Variants in WNK3 observed in about 807,000 individuals in gnomAD.
The protein encoded by WNK3 is serine/threonine-protein kinase WNK3.
Under a neutral mutation model 116.7 loss-of-function variants are expected in WNK3, and 18 were observed. The ratio of observed to expected loss-of-function variants is 0.15; its 90% confidence interval spans 0.11 to 0.23. WNK3 has a LOEUF of 0.23. WNK3 is among the 10% of genes least tolerant of loss of function. The pLI, the probability that WNK3 is intolerant of heterozygous loss-of-function variation, is 1.00. For missense variants in WNK3, 993 were observed against 1,323.8 expected, an observed-to-expected ratio of 0.75 and a Z score of 3.88; for synonymous variants, 404 against 469.4, an observed-to-expected ratio of 0.86 and a Z score of 1.80.
intron 10 of WNK3, among the ~76,000 whole-genome samples, chrX:54,291,778 T>C (rs2068642907): frequency 8.9e-6 from 1 of 112,098 alleles, no homozygotes; most frequent in South Asian, 3.7e-4. Flanking sequence ...TTATTTTATT[T>C]CATATCCCCA....
intron 1 of WNK3, among the ~76,000 whole-genome samples, chrX:54,357,454 T>C (rs782403489): frequency 7.1e-4 from 79 of 111,841 alleles, no homozygotes; most frequent in Non-Finnish European, 1.0e-3. Flanking sequence ...TATTCAGCAG[T>C]TTCGACAGCC....
At chrX:54,244,203 C>T (rs1218566107) in intron 17 of WNK3, among the ~76,000 whole-genome samples, 1 of 111,364 alleles carries the variant, frequency 9.0e-6, no homozygotes, top group Admixed American at 9.6e-5. Flanking sequence ...GTCACTGGAT[C>T]GAACACTGTA....
At chrX:54,209,689 TAC>T (rs781965811) in intron 22 of WNK3, among the ~76,000 whole-genome samples, 5 of 106,126 alleles carry the variant, frequency 4.7e-5, no homozygotes, top group Admixed American at 1.0e-4. Flanking sequence ...TAGGTGGGAT[TAC>T]AGGTGTCTGC....
At chrX:54,290,012 C>T (rs1557164690) in intron 10 of WNK3, among the ~76,000 whole-genome samples, 2 of 111,986 alleles carry the variant, frequency 1.8e-5, no homozygotes, top group Admixed American at 9.5e-5. Flanking sequence ...TGGTGGCTCA[C>T]GCCTGTAATC....
At chrX:54,303,953 C>T (rs1398616588) in intron 5 of WNK3, among the ~76,000 whole-genome samples, 1 of 111,130 alleles carries the variant, frequency 9.0e-6, no homozygotes, top group Non-Finnish European at 1.9e-5. Flanking sequence ...CTATTTATGG[C>T]CTTCCAAAAT....
At position 54,238,302 on chromosome X, in the gene WNK3, T is replaced by C. The variant is rs373872704; in HGVS notation, c.4014+40A>G. On this transcript the variant is annotated intron_variant, in intron 19 of 23. Coordinates refer to ENST00000354646, the Ensembl canonical transcript of WNK3. Reference sequence around the variant, plus strand: ...GATCTCCACTGGCTGTTATATTTTATAATGCCCTTGTAGATAAGGATTCAA... The same window carrying C: ...GATCTCCACTGGCTGTTATATTTTACAATGCCCTTGTAGATAAGGATTCAA... 4.2e-6 allele frequency: 5 copies of C among 1,179,656 alleles called. No homozygotes were observed. In the African/African-American group the frequency reaches 8.9e-5, roughly 21 times the overall value.
chrX:54,295,133 G>A (rs1190806973), intron 7 of WNK3, among the ~76,000 whole-genome samples: 3 of 108,460 alleles, frequency 2.8e-5, no homozygotes, highest in East Asian at 2.9e-4. Context: ...TCCTGACGTC[G>A]TGATCCACCG....
At chrX:54,286,218 T>TG (rs373524416) in intron 10 of WNK3, among the ~76,000 whole-genome samples, 2,262 of 103,034 alleles carry the variant, frequency 0.022, 52 homozygotes, top group African/African-American at 0.069. Flanking sequence ...AAAAAAAAGG[T>TG]GGGGGGGGAG....
At chrX:54,342,856 T>G (rs1401825609) in intron 1 of WNK3, among the ~76,000 whole-genome samples, 1 of 108,189 alleles carries the variant, frequency 9.2e-6, no homozygotes, top group East Asian at 3.0e-4. Context: ...TTCCTTTTTT[T>G]CTTTTTTTTG....
chrX:54,305,352 A>G (rs879972432), intron 5 of WNK3, among the ~76,000 whole-genome samples: 1 of 111,738 alleles, frequency 8.9e-6, no homozygotes, highest in African/African-American at 3.2e-5. Flanking sequence ...GTGAGGTCAC[A>G]TTGGTAACCT....
chrX:54,258,592 C>T (rs2068222243), intron 11 of WNK3, among the ~76,000 whole-genome samples: 1 of 109,798 alleles, frequency 9.1e-6, no homozygotes. Flanking sequence ...CCTCAGCCTC[C>T]CAAAGTGCTA....
chrX:54,345,967 T>C (rs2069418369), intron 1 of WNK3, among the ~76,000 whole-genome samples: 1 of 109,089 alleles, frequency 9.2e-6, no homozygotes, highest in South Asian at 3.9e-4. Flanking sequence ...AAGAATAAAA[T>C]AAATAGCATT....
chrX:54,215,128 A>C lies in WNK3; in HGVS notation c.4871-12935T>G, dbSNP rs781871954. Among the ~76,000 whole-genome samples, 43 of 106,493 alleles carry C rather than the reference A, an allele frequency of 4.0e-4. No homozygotes were observed. In the East Asian group the frequency reaches 9.9e-3, roughly 24 times the overall value. The allele number at this position is 106,493 out of a possible 115,157, so 92.5% of individuals were successfully genotyped here. A position where few individuals can be genotyped will look rare whatever the true frequency, so the allele number is the denominator to read the frequency against. ...CCAGACTCCATCTCAAAAAAAAAAAAAAAAAAAAAAACACCATCTCCAGTG... is the reference window on the plus strand; with the variant it reads ...CCAGACTCCATCTCAAAAAAAAAAACAAAAAAAAAAACACCATCTCCAGTG... On this transcript the variant is annotated intron_variant, in intron 22 of 23. Coordinates refer to ENST00000354646, the Ensembl canonical transcript of WNK3.
chrX:54,261,928 T>G (rs1557156772), intron 10 of WNK3, among the ~76,000 whole-genome samples: 4 of 112,133 alleles, frequency 3.6e-5, no homozygotes, highest in Non-Finnish European at 7.5e-5. Flanking sequence ...TAGACATTTT[T>G]AAGGCTTGAT....
chrX:54,254,222 C>T, intron 12 of WNK3, 147 bp from the exon 13 acceptor site: 4 of 397,493 alleles, frequency 1.0e-5, no homozygotes, highest in Non-Finnish European at 1.8e-5. Context: ...GGAATACCAT[C>T]TAAACAGCCA....
intron 13 of WNK3, among the ~76,000 whole-genome samples, 156 bp downstream of exon 13, chrX:54,253,803 T>G (rs952145833): frequency 1.8e-5 from 2 of 112,025 alleles, no homozygotes; most frequent in African/African-American, 3.2e-5. Flanking sequence ...GGAGATGCAG[T>G]GACTTACACT....
At chrX:54,348,640 C>T (rs947181191) in intron 1 of WNK3, among the ~76,000 whole-genome samples, 12 of 112,062 alleles carry the variant, frequency 1.1e-4, no homozygotes, top group Non-Finnish European at 2.3e-4. Context: ...GTATGAGTGT[C>T]TTTTACCCCA....
chrX:54,269,842 T>C (rs1168367935), intron 10 of WNK3, among the ~76,000 whole-genome samples: 1 of 110,641 alleles, frequency 9.0e-6, no homozygotes, highest in Non-Finnish European at 1.9e-5. Flanking sequence ...GATATATATA[T>C]ATGAACACTC....
At chrX:54,241,884 G>C (rs782467087) in intron 17 of WNK3, among the ~76,000 whole-genome samples, 1 of 108,782 alleles carries the variant, frequency 9.2e-6, no homozygotes, top group African/African-American at 3.4e-5. Context: ...GACCTGGGAA[G>C]TGGAGGTTGC....
Sources: gnomAD v4.1 joint callset for allele counts (sites outside exome capture counted in the v4.1 genomes callset) on GRCh38, gnomAD v4.1.1 for gene constraint, MANE v1.5 for transcripts, NCBI Gene and HGNC (gene_info 2026-07-23, HGNC 2026-07-21) for gene names.